The following MBOAT1 variants were observed in gnomAD, a reference collection of about 807,000 sequenced individuals.
MBOAT1 encodes the protein membrane-bound glycerophospholipid O-acyltransferase 1.
In MBOAT1, 67 loss-of-function variants were observed where a neutral mutation model predicts 64.4. That is an observed-to-expected ratio of 1.04 (90% CI 0.85 to 1.27). The LOEUF (loss-of-function observed/expected upper bound fraction) is 1.27. MBOAT1 is among the 50% of genes most tolerant of loss of function. The pLI is 0.00. For synonymous variants in MBOAT1, 229 were observed against 218.9 expected, an observed-to-expected ratio of 1.05 and a Z score of -0.41; for missense variants, 563 against 604.6, an observed-to-expected ratio of 0.93 and a Z score of 0.72.
At chr6:20,183,478 A>G (rs889781796) in intron 1 of MBOAT1, among the ~76,000 whole-genome samples, 1 of 152,212 alleles carries the variant, frequency 6.6e-6, no homozygotes, top group African/African-American at 2.4e-5. Flanking sequence ...ATTTGCCAGG[A>G]AAGTCTCCTA....
At chr6:20,145,263 C>T (rs935545676) in intron 3 of MBOAT1, among the ~76,000 whole-genome samples, 7 of 152,080 alleles carry the variant, frequency 4.6e-5, no homozygotes, top group African/African-American at 9.7e-5. Flanking sequence ...TACAAGAAGA[C>T]GGCAGTCTGT....
intron 11 of MBOAT1, among the ~76,000 whole-genome samples, chr6:20,110,551 T>G (rs143591156): frequency 6.6e-6 from 1 of 151,552 alleles, no homozygotes; most frequent in East Asian, 1.9e-4. Flanking sequence ...ATAATAATAA[T>G]ATGTGTTCAC....
intron 11 of MBOAT1, among the ~76,000 whole-genome samples, 200 bp downstream of exon 11, chr6:20,112,676 C>T (rs994121479): frequency 2.0e-5 from 3 of 152,118 alleles, no homozygotes; most frequent in Admixed American, 1.3e-4. Flanking sequence ...CAATGGTTAA[C>T]CATTTTTGTA....
At chr6:20,160,617 C>T (rs1173868981) in intron 1 of MBOAT1, among the ~76,000 whole-genome samples, 3 of 152,232 alleles carry the variant, frequency 2.0e-5, no homozygotes, top group South Asian at 2.1e-4. Flanking sequence ...CTGCCTTACA[C>T]GCTCCAAGGC....
intron 9 of MBOAT1, among the ~76,000 whole-genome samples, chr6:20,115,805 G>C (rs1760301255): frequency 6.6e-6 from 1 of 152,144 alleles, no homozygotes; most frequent in South Asian, 2.1e-4. Context: ...GTCTTGTGCA[G>C]TTAACTCTAT....
intron 4 of MBOAT1, 34 bp downstream of exon 4, chr6:20,144,186 A>C (rs1238260995): frequency 2.1e-6 from 3 of 1,402,050 alleles, no homozygotes; most frequent in South Asian, 2.4e-5. Context: ...CAAAGTCAGC[A>C]GTAAAACCCC....
intron 1 of MBOAT1, among the ~76,000 whole-genome samples, chr6:20,168,384 G>A (rs1581439216): frequency 6.6e-6 from 1 of 151,876 alleles, no homozygotes; most frequent in South Asian, 2.1e-4. Context: ...AGAATGGCTT[G>A]AGCCTGGGAG....
At chr6:20,105,466 G>A (rs964944761) in intron 12 of MBOAT1, among the ~76,000 whole-genome samples, 1 of 152,130 alleles carries the variant, frequency 6.6e-6, no homozygotes, top group Non-Finnish European at 1.5e-5. Context: ...AAGTTTCTAC[G>A]CAAATTCTAA....
intron 12 of MBOAT1, among the ~76,000 whole-genome samples, chr6:20,103,856 A>C (rs1272269910): frequency 6.6e-6 from 1 of 152,226 alleles, no homozygotes; most frequent in African/African-American, 2.4e-5. Flanking sequence ...TTTCTTAATA[A>C]ATTTAGTACA....
intron 6 of MBOAT1, among the ~76,000 whole-genome samples, chr6:20,127,743 G>A (rs952793477): frequency 2.7e-4 from 41 of 152,226 alleles, no homozygotes; most frequent in African/African-American, 9.2e-4. Context: ...ATGGTGAGTT[G>A]TATAATTATT....
chr6:20,131,678 G>A (rs1165504096), intron 4 of MBOAT1, among the ~76,000 whole-genome samples: 5 of 152,058 alleles, frequency 3.3e-5, no homozygotes, highest in African/African-American at 7.2e-5. Context: ...TTTTCATCTC[G>A]AAGTTTATTA....
chr6:20,152,727 A>G lies in MBOAT1; in HGVS notation c.142T>C (p.Phe48Leu), dbSNP rs747682740. The change falls in exon 2 of 13, where the codon TTC (phenylalanine) becomes CTC (leucine). Residue 48 changes from phenylalanine (F) to leucine (L), a missense_variant. Phe to Leu is a conservative substitution (Grantham distance 22, BLOSUM62 0). Transcript: ENST00000324607. ...VCQLVALFAA[F>L]WFRIYLRPGT... ...GGACGTAAGTAGATGCGAAACCAGAAAGCAGCAAACAGAGCAACAAGCTGG... is the reference window on the plus strand; with the variant it reads ...GGACGTAAGTAGATGCGAAACCAGAGAGCAGCAAACAGAGCAACAAGCTGG... 1.2e-6 allele frequency: 2 copies of G among 1,612,580 alleles called. No homozygotes were observed. The highest frequency in any genetic ancestry group is 2.2e-5 in the South Asian group (2 of 90,948).
At position 20,212,272 on chromosome 6, in the gene MBOAT1, C is replaced by A; in HGVS notation, c.-38G>T. The A allele has an allele frequency of 6.3e-7, 1 of 1,574,836 alleles. No individual in the cohort carries two copies. Among genetic ancestry groups the A allele is most frequent in the Non-Finnish European group, 8.7e-7 (1 of 1,155,904 alleles). Reference sequence around the variant, plus strand: ...GGAGGTGGCTGCCCCTGTCCCAGCCCGCAACACCCCCTGCTCGGCGTCCTC... The same window carrying A: ...GGAGGTGGCTGCCCCTGTCCCAGCCAGCAACACCCCCTGCTCGGCGTCCTC... On this transcript the variant is annotated 5_prime_UTR_variant, in exon 1 of 13. Transcript: ENST00000324607.
Position 20,105,926 on chromosome 6 carries a change from C to T in MBOAT1, c.1362-3514G>A, listed in dbSNP as rs1759943232. ...TTCTTTCATAATATATTTAAGTATTCACTTGGGCTCATTTACAACTTAAAG... is the reference window on the plus strand; with the variant it reads ...TTCTTTCATAATATATTTAAGTATTTACTTGGGCTCATTTACAACTTAAAG... On this transcript the variant is annotated intron_variant, in intron 12 of 12. Coordinates refer to ENST00000324607, the MANE Select transcript of MBOAT1 (RefSeq NM_001080480.3). Among the ~76,000 whole-genome samples the T allele has an allele frequency of 3.3e-5, 5 of 152,296 alleles. No homozygotes were observed. The South Asian group carries it at 6.2e-4, about 19-fold the overall frequency.
At chr6:20,187,147 G>A (rs1484530102) in intron 1 of MBOAT1, among the ~76,000 whole-genome samples, 2 of 152,168 alleles carry the variant, frequency 1.3e-5, no homozygotes, top group Non-Finnish European at 2.9e-5. Context: ...CAACTCCACT[G>A]GCACTAAATG....
chr6:20,110,738 TC>T (rs1212983814), intron 11 of MBOAT1, among the ~76,000 whole-genome samples: 2 of 152,184 alleles, frequency 1.3e-5, no homozygotes, highest in Non-Finnish European at 2.9e-5. Context: ...GCTCATTTTT[TC>T]ATTTAGTAAT....
intron 8 of MBOAT1, among the ~76,000 whole-genome samples, chr6:20,120,869 G>A (rs1760475126): frequency 1.3e-5 from 2 of 152,144 alleles, no homozygotes. Context: ...ATTTATCCAA[G>A]CCTGGTTTTT....
At chr6:20,126,726 A>G (rs773375647) in intron 6 of MBOAT1, 26 bp from the exon 7 acceptor site, 1 of 1,544,082 alleles carries the variant, frequency 6.5e-7, no homozygotes, top group Admixed American at 1.9e-5. Flanking sequence ...AAATAAATTG[A>G]AAAGTCTTCA....
chr6:20,158,488 C>T (rs1051262288), intron 1 of MBOAT1, among the ~76,000 whole-genome samples: 5 of 152,086 alleles, frequency 3.3e-5, no homozygotes, highest in South Asian at 2.1e-4. Flanking sequence ...AAAACATAGG[C>T]GAAAACTACA....
Sources: allele counts gnomAD v4.1 joint callset (sites outside exome capture counted in the v4.1 genomes callset), GRCh38; gene constraint gnomAD v4.1.1; transcripts MANE v1.5; gene names NCBI Gene and HGNC (gene_info 2026-07-23, HGNC 2026-07-21).